STARD13: variants seen among roughly 807,000 people sequenced by gnomAD.
STARD13 encodes stAR-related lipid transfer protein 13.
A neutral mutation model predicts 106.4 loss-of-function variants in STARD13; 62 were observed. The observed-to-expected ratio is 0.58, with a 90% CI of 0.48 to 0.72. STARD13 has a LOEUF of 0.72. Ranked by LOEUF, STARD13 falls within the 30% of genes least tolerant of loss-of-function variation. The pLI is 0.00. For synonymous variants in STARD13, 565 were observed against 553.0 expected (o/e 1.02, Z -0.31); for missense variants, 1,387 against 1,424.0 (o/e 0.97, Z 0.42).
intron 1 of STARD13, among the ~76,000 whole-genome samples, chr13:33,242,767 A>C (rs1889595530): frequency 6.6e-6 from 1 of 152,208 alleles, no homozygotes; most frequent in South Asian, 2.1e-4. Flanking sequence ...AAAAAAATAA[A>C]AAATAAAAAA....
At chr13:33,158,584 A>G (rs1448047577) in intron 3 of STARD13, 1 of 152,274 alleles carries the variant, frequency 6.6e-6, no homozygotes, top group Non-Finnish European at 1.5e-5. Context: ...CTTTAAAAAT[A>G]AAACAAGAGA....
At chr13:33,549,879 C>T in the STARD13 span, among the ~76,000 whole-genome samples, 1 of 152,134 alleles carries the variant, frequency 6.6e-6, no homozygotes, top group Non-Finnish European at 1.5e-5. Context: ...GAGGTTGTGC[C>T]AGGCATGCAC....
chr13:33,136,519 C>A (rs1879077405), intron 4 of STARD13, among the ~76,000 whole-genome samples: 1 of 152,198 alleles, frequency 6.6e-6, no homozygotes, highest in Non-Finnish European at 1.5e-5. Context: ...TGATCCTCAC[C>A]CTTCCTCTAT....
chr13:33,379,179 A>G, the STARD13 span, among the ~76,000 whole-genome samples: 12 of 152,320 alleles, frequency 7.9e-5, no homozygotes, highest in East Asian at 2.3e-3. Flanking sequence ...TTTTTGTACC[A>G]TCAGCTCAAA....
At chr13:33,567,778 A>C in the STARD13 span, among the ~76,000 whole-genome samples, 8 of 148,140 alleles carry the variant, frequency 5.4e-5, 1 homozygote, top group African/African-American at 2.0e-4. Context: ...ACTTATTGAA[A>C]CACTTGTAAT....
the STARD13 span, among the ~76,000 whole-genome samples, chr13:33,443,168 G>A: frequency 1.3e-5 from 2 of 152,008 alleles, no homozygotes; most frequent in Non-Finnish European, 2.9e-5. Flanking sequence ...CACAAGGTCA[G>A]GAGATGAGAC....
chr13:33,166,854 G>A (rs563462780), intron 2 of STARD13, among the ~76,000 whole-genome samples: 1 of 152,076 alleles, frequency 6.6e-6, no homozygotes, highest in East Asian at 1.9e-4. Flanking sequence ...AATTGGCCAG[G>A]TGTGGTGGTG....
the STARD13 span, among the ~76,000 whole-genome samples, chr13:33,600,821 T>C: frequency 6.6e-6 from 1 of 152,178 alleles, no homozygotes; most frequent in African/African-American, 2.4e-5. Context: ...TCTGAATAAA[T>C]TTTTCTAATC....
At chr13:33,572,347 G>A in the STARD13 span, among the ~76,000 whole-genome samples, 4 of 152,184 alleles carry the variant, frequency 2.6e-5, no homozygotes, top group East Asian at 1.9e-4. Flanking sequence ...CCAACTGTTC[G>A]AACCATGTTC....
the STARD13 span, among the ~76,000 whole-genome samples, chr13:33,444,699 T>G: frequency 6.6e-6 from 1 of 152,126 alleles, no homozygotes; most frequent in African/African-American, 2.4e-5. Context: ...ACCCCAGAAG[T>G]TGAGGCTGCA....
chr13:33,166,568 A>G (rs1420607407), intron 2 of STARD13, among the ~76,000 whole-genome samples: 1 of 152,158 alleles, frequency 6.6e-6, no homozygotes, highest in Non-Finnish European at 1.5e-5. Context: ...AATGGCCTTG[A>G]GCCTGCCACC....
the STARD13 span, among the ~76,000 whole-genome samples, chr13:33,640,222 C>A: frequency 6.6e-6 from 1 of 152,184 alleles, no homozygotes; most frequent in Non-Finnish European, 1.5e-5. Context: ...GTGCCCAGAG[C>A]TTCTGCAAGC....
rs375488211 is a variant in STARD13, at chr13:33,241,872, C to T, written c.169+43598G>A. On this transcript the variant is annotated intron_variant, in intron 1 of 13. Transcript: ENST00000336934. ...TGTTGCCCAGGCTGGAGTGCAATGG[C>T]CTGATCTAGGCTCACTACAACCTCC... is the stretch of plus-strand genomic sequence containing the variant. Among the ~76,000 whole-genome samples, 34 of 152,284 alleles carry T rather than the reference C, an allele frequency of 2.2e-4. 1 individual carries two copies. In the East Asian group the frequency reaches 6.0e-3, roughly 27 times the overall value.
chr13:33,429,497 C>T, the STARD13 span, among the ~76,000 whole-genome samples: 1 of 150,710 alleles, frequency 6.6e-6, no homozygotes, highest in Non-Finnish European at 1.5e-5. Context: ...GCACTCCAGC[C>T]TGGGTGACAG....
the STARD13 span, among the ~76,000 whole-genome samples, chr13:33,464,334 A>G: frequency 6.6e-6 from 1 of 152,170 alleles, no homozygotes; most frequent in African/African-American, 2.4e-5. Context: ...TAAGATATGT[A>G]CAATGAAGAA....
exon 1 of STARD13, chr13:33,350,350 C>G (rs939546891): frequency 1.2e-5 from 19 of 1,534,508 alleles, no homozygotes; most frequent in Admixed American, 2.0e-5. Flanking sequence ...GCCGTGGAGT[C>G]CCGCAACTGC....
intron 1 of STARD13, among the ~76,000 whole-genome samples, chr13:33,324,578 T>C (rs183290747): frequency 6.6e-5 from 10 of 152,344 alleles, no homozygotes; most frequent in African/African-American, 2.4e-4. Flanking sequence ...AAAAACAATT[T>C]GAAAATACTC....
At chr13:33,562,057 G>A in the STARD13 span, among the ~76,000 whole-genome samples, 6 of 146,596 alleles carry the variant, frequency 4.1e-5, 1 homozygote, top group Non-Finnish European at 7.5e-5. Context: ...ATTCTTGAAT[G>A]TTACTTGGTT....
At chr13:33,295,985 G>A (rs1892475808) in intron 1 of STARD13, among the ~76,000 whole-genome samples, 1 of 152,074 alleles carries the variant, frequency 6.6e-6, no homozygotes, top group Admixed American at 6.6e-5. Flanking sequence ...GTCAAGGTGG[G>A]TGGATCACCT....
Sources: allele counts gnomAD v4.1 joint callset (sites outside exome capture counted in the v4.1 genomes callset), GRCh38; gene constraint gnomAD v4.1.1; transcripts MANE v1.5; gene names NCBI Gene and HGNC (gene_info 2026-07-23, HGNC 2026-07-21).